The following CERKL variants were observed in gnomAD, a reference collection of about 807,000 sequenced individuals.
CERKL encodes CERK like autophagy regulator.
A neutral mutation model predicts 63.4 loss-of-function variants in CERKL; 61 were observed. That is an observed-to-expected ratio of 0.96 (90% confidence interval 0.78 to 1.19). The LOEUF (loss-of-function observed/expected upper bound fraction) is 1.19. CERKL is among the 50% of genes most tolerant of loss of function. The pLI is 0.00. For missense variants in CERKL, 675 were observed against 655.5 expected (o/e 1.03, Z -0.33); for synonymous variants, 250 against 230.5 (o/e 1.08, Z -0.77).
intron 10 of CERKL, among the ~76,000 whole-genome samples, chr2:181,545,404 T>C (rs1478426645): frequency 6.6e-6 from 1 of 152,152 alleles, no homozygotes; most frequent in African/African-American, 2.4e-5. Context: ...AGAGGTGTGA[T>C]TTAGTGCCAA....
At position 181,536,963 on chromosome 2, in the gene CERKL, C is replaced by CCATCCTAATTGATGAAAGTT; in HGVS notation, c.*1201_*1220dup. The CCATCCTAATTGATGAAAGTT allele has an allele frequency of 4.4e-6, 2 of 452,678 alleles. No homozygotes were observed. Among genetic ancestry groups the CCATCCTAATTGATGAAAGTT allele is most frequent in the African/African-American group, 2.0e-5 (1 of 50,024 alleles). 28.0% of individuals were successfully genotyped at this position (452,678 alleles called of 1,614,324 possible). Reference sequence around the variant, plus strand: ...ATATGAAGTCCCTGCCACTAGCCAGCCATCCTAATTGATGAAAGTTATCTG... The same window carrying CCATCCTAATTGATGAAAGTT: ...ATATGAAGTCCCTGCCACTAGCCAGCCATCCTAATTGATGAAAGTTCATCCTAATTGATGAAAGTTATCTG... On this transcript the variant is annotated 3_prime_UTR_variant, in exon 13 of 13. Coordinates refer to ENST00000410087, the MANE Select transcript of CERKL (RefSeq NM_201548.5).
At chr2:181,627,475 G>A (rs1159130964) in intron 1 of CERKL, among the ~76,000 whole-genome samples, 1 of 152,150 alleles carries the variant, frequency 6.6e-6, no homozygotes, top group Non-Finnish European at 1.5e-5. Context: ...TCCTAGGGAG[G>A]AATAAATCTT....
chr2:181,579,326 T>C (rs1384034881), intron 2 of CERKL, among the ~76,000 whole-genome samples: 1 of 152,004 alleles, frequency 6.6e-6, no homozygotes, highest in Non-Finnish European at 1.5e-5. Context: ...TTTTGATCTT[T>C]GACAAATGAA....
rs1687119497 is a variant in CERKL, at chr2:181,536,706, T to TCATACTATATGAGGTTCTATTTTAA, written c.*1453_*1477dup. On this transcript the variant is annotated 3_prime_UTR_variant, in exon 13 of 13. Coordinates refer to ENST00000410087, the MANE Select transcript of CERKL (RefSeq NM_201548.5). ...AATGTAAAATATTTTTATAGTTTGT[T>TCATACTATATGAGGTTCTATTTTAA]CATACTATATGAGGTTCTATTTTAA... 1 of 189,364 alleles carries TCATACTATATGAGGTTCTATTTTAA rather than the reference T, an allele frequency of 5.3e-6. No individual in the cohort carries two copies. 11.7% of individuals were successfully genotyped at this position (189,364 alleles called of 1,614,324 possible). A position where few individuals can be genotyped will look rare whatever the true frequency, so the allele number is the denominator to read the frequency against.
Position 181,556,797 on chromosome 2 carries a change from T to C in CERKL, c.820+1769A>G, listed in dbSNP as rs376515128. 5.9e-5 allele frequency among the ~76,000 whole-genome samples: 9 copies of C among 152,346 alleles called. No homozygotes were observed. The East Asian group carries it at 1.2e-3, about 20-fold the overall frequency. On this transcript the variant is annotated intron_variant, in intron 5 of 12. Coordinates refer to ENST00000410087, the MANE Select transcript of CERKL (RefSeq NM_201548.5). ...CTGGATCAAATGGTATTTCTAGTTC[T>C]AGATCCCTGAGGAATTGCCACACTG...
Position 181,553,671 on chromosome 2 carries a change from T to C in CERKL, c.821-3963A>G, listed in dbSNP as rs145412720. Among the ~76,000 whole-genome samples, 46 of 152,334 alleles carry C rather than the reference T, an allele frequency of 3.0e-4. 1 individual carries two copies. In the East Asian group the frequency reaches 8.3e-3, roughly 27 times the overall value. On this transcript the variant is annotated intron_variant, in intron 5 of 12. Transcript: ENST00000410087. The stretch of plus-strand genomic sequence containing the variant: ...CAACTTTTCTCTAATTCTGTAGAAG[T>C]TGGCAGTGATAACAGACATGACTAG...
chr2:181,590,134 G>A (rs1326081733), intron 2 of CERKL, among the ~76,000 whole-genome samples: 1 of 147,176 alleles, frequency 6.8e-6, no homozygotes, highest in African/African-American at 2.5e-5. Context: ...TAATGGTTTT[G>A]TTTATATATT....
chr2:181,544,815 A>G lies in CERKL; in HGVS notation c.1269-19T>C, dbSNP rs1425062923. 8 of 1,464,356 alleles carry G rather than the reference A, an allele frequency of 5.5e-6. No homozygotes were observed. The highest frequency in any genetic ancestry group is 2.3e-5 in the East Asian group (1 of 43,500). The allele number at this position is 1,464,356 out of a possible 1,614,324, so 90.7% of individuals were successfully genotyped here. A position where few individuals can be genotyped will look rare whatever the true frequency, so the allele number is the denominator to read the frequency against. ...ATTTAATCTGAAATTAAATATTTCT[A>G]TTAGACATCAAGAAATTTACTAAGA... is the stretch of plus-strand genomic sequence containing the variant. On this transcript the variant is annotated intron_variant, in intron 10 of 12. Coordinates refer to ENST00000410087, the MANE Select transcript of CERKL (RefSeq NM_201548.5).
At chr2:181,539,538 A>G (rs1470296204) in intron 11 of CERKL, among the ~76,000 whole-genome samples, 1 of 152,192 alleles carries the variant, frequency 6.6e-6, no homozygotes, top group African/African-American at 2.4e-5. Flanking sequence ...GTGATACTGT[A>G]GATTTTTCAA....
At chr2:181,570,612 G>A (rs1224852266) in intron 3 of CERKL, among the ~76,000 whole-genome samples, 1 of 152,138 alleles carries the variant, frequency 6.6e-6, no homozygotes, top group African/African-American at 2.4e-5. Flanking sequence ...CTACCTTGGT[G>A]GTGGTAGCAG....
Position 181,536,764 on chromosome 2 carries a change from ATAC to A in CERKL, c.*1417_*1419del. 4.0e-6 allele frequency: 1 copy of A among 248,636 alleles called. No homozygotes were observed. The highest frequency in any genetic ancestry group is 8.1e-6 in the Non-Finnish European group (1 of 123,710). 15.4% of individuals were successfully genotyped at this position (248,636 alleles called of 1,614,324 possible). On this transcript the variant is annotated 3_prime_UTR_variant, in exon 13 of 13. Transcript: ENST00000410087. ...TCTGGATTTTAAAAAATTTCTTTAAATACAATCATTTTTGTAATATTTATTTTA... is the reference window on the plus strand; with the variant it reads ...TCTGGATTTTAAAAAATTTCTTTAAAAATCATTTTTGTAATATTTATTTTA...
chr2:181,640,151 A>C (rs1424242499), intron 1 of CERKL, among the ~76,000 whole-genome samples: 2 of 152,162 alleles, frequency 1.3e-5, no homozygotes, highest in East Asian at 1.9e-4. Flanking sequence ...GTCACCCATT[A>C]CACTAAGTTT....
Position 181,558,930 on chromosome 2 carries a change from C to T in CERKL, c.678-222G>A, listed in dbSNP as rs916828675. Among the ~76,000 whole-genome samples the T allele has an allele frequency of 1.3e-5, 2 of 152,086 alleles. No individual in the cohort carries two copies. Among genetic ancestry groups the T allele is most frequent in the Non-Finnish European group, 2.9e-5 (2 of 68,008 alleles). The stretch of plus-strand genomic sequence containing the variant: ...TAATAACTAGATAATTCCCCATAGA[C>T]AAAATAGCTTTAAGTGTGTTAAGAG... On this transcript the variant is annotated intron_variant, in intron 4 of 12. Transcript: ENST00000410087. This position sits in a 1 kb window ranked among gnomAD's most constrained non-coding sequence, Gnocchi z 4.2.
chr2:181,538,249 A>T lies in CERKL; in HGVS notation c.1539-5T>A, dbSNP rs371788033. On this transcript the variant is annotated splice_region_variant and splice_polypyrimidine_tract_variant and intron_variant, in intron 12 of 12. Coordinates refer to ENST00000410087, the MANE Select transcript of CERKL (RefSeq NM_201548.5). ...CTGATAAGTCTTGGATGCAATCTGT[A>T]AAGAAAATACATTATTTCATCAACT... 3.9e-6 allele frequency: 6 copies of T among 1,549,608 alleles called. No individual in the cohort carries two copies. Among genetic ancestry groups the T allele is most frequent in the African/African-American group, 1.4e-5 (1 of 73,696 alleles).
In CERKL at chr2:181,565,492, C is replaced by A. The variant is rs10185262; in HGVS notation, c.677+566G>T. The A allele has an allele frequency of 1.4e-3, 2,217 of 1,610,908 alleles. 18 individuals carry two copies. The African/African-American group carries it at 0.026, about 19-fold the overall frequency. On this transcript the variant is annotated intron_variant, in intron 4 of 12. Transcript: ENST00000410087. ...TCTGTACACTCCAATGTATTGCGAA[C>A]AATGGTTTCCGATGCCCACTGTGAA...
intron 2 of CERKL, among the ~76,000 whole-genome samples, chr2:181,581,318 CAT>C (rs1684501174): frequency 1.3e-5 from 2 of 152,178 alleles, no homozygotes; most frequent in Non-Finnish European, 2.9e-5. Flanking sequence ...ATATTTTGAA[CAT>C]GTGATTAGAT....
intron 2 of CERKL, among the ~76,000 whole-genome samples, chr2:181,596,935 G>A (rs926774842): frequency 1.3e-5 from 2 of 152,168 alleles, no homozygotes; most frequent in Admixed American, 6.5e-5. Context: ...GTGTACATAT[G>A]TCATAACATA....
intron 2 of CERKL, among the ~76,000 whole-genome samples, chr2:181,596,462 G>T (rs867036215): frequency 1.3e-5 from 2 of 152,136 alleles, no homozygotes; most frequent in Admixed American, 1.3e-4. Flanking sequence ...AGCTGAAAGG[G>T]TAGAGGTTAT....
rs553501363 is a variant in CERKL, at chr2:181,600,464, G to A, written c.481+3373C>T. Among the ~76,000 whole-genome samples the A allele has an allele frequency of 2.6e-5, 4 of 152,252 alleles. No individual in the cohort carries two copies. In the South Asian group the frequency reaches 6.2e-4, roughly 24 times the overall value. On this transcript the variant is annotated intron_variant, in intron 2 of 12. Transcript: ENST00000410087. ...TGACCTAACCTTCTGCTGAATTCAA[G>A]AGACCCATCTCACATGTAATGACAA...
Sources: allele counts gnomAD v4.1 joint callset (sites outside exome capture counted in the v4.1 genomes callset), GRCh38; gene constraint gnomAD v4.1.1; non-coding constraint Gnocchi (gnomAD v3.1); transcripts MANE v1.5; gene names NCBI Gene and HGNC (gene_info 2026-07-23, HGNC 2026-07-21).